ARHGAP26: variants seen among roughly 807,000 people sequenced by gnomAD.
ARHGAP26 encodes Rho GTPase activating protein 26.
In ARHGAP26, 38 loss-of-function variants were observed where a neutral mutation model predicts 104.8. That is an observed-to-expected ratio of 0.36 (90% CI 0.28 to 0.48). The LOEUF is 0.48. Ranked by LOEUF, ARHGAP26 falls within the 20% of genes least tolerant of loss-of-function variation. The pLI is 0.99. For synonymous variants in ARHGAP26, 341 were observed against 340.0 expected (o/e 1.00, Z -0.03); for missense variants, 704 against 947.9 (o/e 0.74, Z 3.38).
chr5:143,052,132 T>A (rs1243839325), intron 14 of ARHGAP26, among the ~76,000 whole-genome samples: 3 of 152,198 alleles, frequency 2.0e-5, no homozygotes, highest in African/African-American at 7.2e-5. Context: ...AAATTTGCTG[T>A]GATAGAACTC....
intron 11 of ARHGAP26, among the ~76,000 whole-genome samples, chr5:142,963,961 G>A (rs1437733972): frequency 6.6e-6 from 1 of 152,186 alleles, no homozygotes; most frequent in Non-Finnish European, 1.5e-5. Context: ...TCACGAGAAA[G>A]CAAAGTTAAG....
chr5:142,974,556 G>GT (rs578079740), intron 11 of ARHGAP26, among the ~76,000 whole-genome samples: 50 of 152,284 alleles, frequency 3.3e-4, no homozygotes, highest in African/African-American at 1.2e-3. Flanking sequence ...TTTACAACGT[G>GT]TTTTTTCTGA....
chr5:143,024,364 C>T (rs1208589891), intron 12 of ARHGAP26, among the ~76,000 whole-genome samples: 1 of 152,040 alleles, frequency 6.6e-6, no homozygotes, highest in African/African-American at 2.4e-5. Context: ...CAGTGTATGC[C>T]TCTGCCATGG....
intron 17 of ARHGAP26, among the ~76,000 whole-genome samples, chr5:143,118,438 A>G (rs2150769214): frequency 6.6e-6 from 1 of 152,266 alleles, no homozygotes; most frequent in Middle Eastern, 3.4e-3. Flanking sequence ...ATTTGAGGAA[A>G]GGTATGCTGT....
intron 21 of ARHGAP26, 88 bp downstream of exon 21, chr5:143,207,396 C>T (rs752754507): frequency 3.7e-6 from 6 of 1,614,112 alleles, no homozygotes; most frequent in Non-Finnish European, 4.2e-6. Context: ...TCAGCCTCCT[C>T]GTCAACTTTG....
chr5:142,771,452 G>A, intron 1 of ARHGAP26: 1 of 1,221,004 alleles, frequency 8.2e-7, no homozygotes, highest in Non-Finnish European at 1.0e-6. Flanking sequence ...TGGAATGCTT[G>A]GTTAGCTTGC....
intron 18 of ARHGAP26, among the ~76,000 whole-genome samples, chr5:143,129,373 C>T (rs1437697557): frequency 6.6e-6 from 1 of 152,124 alleles, no homozygotes; most frequent in African/African-American, 2.4e-5. Flanking sequence ...CACCACAGTC[C>T]TGGGACTTTT....
At chr5:143,129,990 T>G (rs1248205733) in intron 18 of ARHGAP26, among the ~76,000 whole-genome samples, 1 of 152,240 alleles carries the variant, frequency 6.6e-6, no homozygotes, top group Admixed American at 6.5e-5. Context: ...GCCTGTTTGC[T>G]TTGTACCTGT....
At chr5:143,107,988 G>T (rs189173900) in intron 17 of ARHGAP26, among the ~76,000 whole-genome samples, 1 of 152,098 alleles carries the variant, frequency 6.6e-6, no homozygotes, top group African/African-American at 2.4e-5. Flanking sequence ...ATAACAGAAG[G>T]GTTTGTGTGT....
At chr5:143,218,681 C>T (rs920118054) in intron 22 of ARHGAP26, among the ~76,000 whole-genome samples, 1 of 152,186 alleles carries the variant, frequency 6.6e-6, no homozygotes, top group African/African-American at 2.4e-5. Context: ...TGCTGTTGAG[C>T]TGAAGAGCCA....
rs914769528 is a variant in ARHGAP26 at position 143,113,124 on chromosome 5, G to A, written c.1539-7864G>A. ...TAGGGAATGGAGTTGAATTAGAGAA[G>A]ATGAGTGGAAATAGAGCTAGTTACA... On this transcript the variant is annotated intron_variant, in intron 17 of 22. Transcript: ENST00000645722. Among the ~76,000 whole-genome samples the A allele has an allele frequency of 4.6e-5, 7 of 152,328 alleles. No homozygotes were observed. In the East Asian group the frequency reaches 5.8e-4, roughly 13 times the overall value.
chr5:143,020,861 C>T (rs1158042088), intron 12 of ARHGAP26, among the ~76,000 whole-genome samples: 1 of 152,058 alleles, frequency 6.6e-6, no homozygotes, highest in East Asian at 1.9e-4. Flanking sequence ...AGGATGGTCT[C>T]GATCTGCTGA....
intron 4 of ARHGAP26, among the ~76,000 whole-genome samples, chr5:142,881,890 C>T (rs543605500): frequency 2.0e-5 from 3 of 152,280 alleles, no homozygotes; most frequent in East Asian, 3.9e-4. Context: ...GGTGCTGCTT[C>T]GGTTGCCATA....
At chr5:143,144,665 C>T (rs1490840907) in intron 19 of ARHGAP26, among the ~76,000 whole-genome samples, 4 of 152,218 alleles carry the variant, frequency 2.6e-5, no homozygotes, top group Admixed American at 2.0e-4. Context: ...ACCTTGGCCT[C>T]TGAAGGCGAT....
intron 12 of ARHGAP26, chr5:143,014,446 A>T (rs895452644): frequency 3.3e-6 from 1 of 303,684 alleles, no homozygotes; most frequent in African/African-American, 2.1e-5. Flanking sequence ...ACTTAATACA[A>T]CAATACTCAA....
chr5:143,124,839 T>C (rs560026748), intron 18 of ARHGAP26, among the ~76,000 whole-genome samples: 2 of 152,352 alleles, frequency 1.3e-5, no homozygotes, highest in Non-Finnish European at 2.9e-5. Flanking sequence ...AGGGGATCTA[T>C]GGTACCCAGC....
intron 11 of ARHGAP26, among the ~76,000 whole-genome samples, chr5:142,961,612 G>T (rs1348872568): frequency 1.3e-5 from 2 of 152,176 alleles, no homozygotes; most frequent in South Asian, 2.1e-4. Flanking sequence ...TGACCTATGG[G>T]TATTACTGGC....
Position 142,949,210 on chromosome 5 carries a change from AGAGAGAGAGAGGAGAGAGAGAG to A in ARHGAP26, c.1107+17097_1107+17118del, listed in dbSNP as rs1562136800. On this transcript the variant is annotated intron_variant, in intron 11 of 22. Transcript: ENST00000645722. ...GAGAGAGAGAGAGAGAGAGAGAGAGAGAGAGAGAGAGGAGAGAGAGAGGAGAGAGAGAGAGAGAGAGAGAGAG... is the reference window on the plus strand; with the variant it reads ...GAGAGAGAGAGAGAGAGAGAGAGAGAGAGAGAGAGAGAGAGAGAGAGAGAG... Among the ~76,000 whole-genome samples the A allele has an allele frequency of 1.7e-4, 11 of 63,138 alleles. 1 individual carries two copies. The highest frequency in any genetic ancestry group is 1.0e-3 in the African/African-American group (8 of 7,726). 41.4% of individuals were successfully genotyped at this position (63,138 alleles called of 152,430 possible). A position where few individuals can be genotyped will look rare whatever the true frequency, so the allele number is the denominator to read the frequency against.
chr5:143,063,650 C>T (rs1476684663), intron 17 of ARHGAP26, among the ~76,000 whole-genome samples: 1 of 152,190 alleles, frequency 6.6e-6, no homozygotes, highest in African/African-American at 2.4e-5. Flanking sequence ...GACCGCTTCT[C>T]AAATACCCAC....
Sources: gnomAD v4.1 joint callset for allele counts (sites outside exome capture counted in the v4.1 genomes callset) on GRCh38, gnomAD v4.1.1 for gene constraint, MANE v1.5 for transcripts, NCBI Gene and HGNC (gene_info 2026-07-23, HGNC 2026-07-21) for gene names.